The following CTNNA3 variants were observed in gnomAD, a reference collection of about 807,000 sequenced individuals.
The protein encoded by CTNNA3 is catenin alpha-3.
In CTNNA3, 76 loss-of-function variants were observed where a neutral mutation model predicts 95.7. That is an observed-to-expected ratio of 0.79 (90% CI 0.66 to 0.96). CTNNA3 has a LOEUF of 0.96. CTNNA3 is among the 40% of genes least tolerant of loss of function. CTNNA3 has a pLI of 0.00. For missense variants in CTNNA3, 1,191 were observed against 1,089.8 expected, an observed-to-expected ratio of 1.09 and a Z score of -1.31; for synonymous variants, 431 against 374.4, an observed-to-expected ratio of 1.15 and a Z score of -1.74.
chr10:66,757,977 G>C (rs544974069), intron 9 of CTNNA3, among the ~76,000 whole-genome samples: 6 of 152,118 alleles, frequency 3.9e-5, no homozygotes, highest in Non-Finnish European at 5.9e-5. Context: ...AAAGTATTTT[G>C]CATGATTTTG....
chr10:66,320,250 A>G (rs1275137985), intron 12 of CTNNA3, among the ~76,000 whole-genome samples: 2 of 151,896 alleles, frequency 1.3e-5, no homozygotes, highest in Non-Finnish European at 2.9e-5. Flanking sequence ...AATTTCCCTA[A>G]GTCTCCCTCT....
intron 15 of CTNNA3, among the ~76,000 whole-genome samples, chr10:66,015,368 T>C (rs529841900): frequency 2.2e-4 from 33 of 152,254 alleles, no homozygotes; most frequent in Non-Finnish European, 4.7e-4. Flanking sequence ...ATTGTCCACA[T>C]GACCTAGGAG....
At chr10:65,944,549 C>T (rs1172476753) in intron 17 of CTNNA3, among the ~76,000 whole-genome samples, 1 of 152,110 alleles carries the variant, frequency 6.6e-6, no homozygotes, top group Non-Finnish European at 1.5e-5. Context: ...AGGGGGAAGG[C>T]AAAGTGGAGG....
At chr10:67,171,169 T>C (rs1047615782) in intron 7 of CTNNA3, among the ~76,000 whole-genome samples, 1 of 152,216 alleles carries the variant, frequency 6.6e-6, no homozygotes, top group Admixed American at 6.5e-5. Flanking sequence ...TTTTCCAGTA[T>C]ATAGTACCAC....
rs554319327 is a variant in CTNNA3, at chr10:66,291,703, C to T, written c.1733-11082G>A. On this transcript the variant is annotated intron_variant, in intron 12 of 17. Transcript: ENST00000433211. ...TTTGATGTTCCACAAAGGGAAGATA[C>T]TTAGAAGATATGTGTGCATAAATTA... is the stretch of plus-strand genomic sequence containing the variant. Among the ~76,000 whole-genome samples the T allele has an allele frequency of 2.6e-5, 4 of 151,702 alleles. No individual in the cohort carries two copies. The East Asian group carries it at 7.7e-4, about 29-fold the overall frequency.
chr10:66,166,780 G>C (rs981559060), intron 13 of CTNNA3, among the ~76,000 whole-genome samples: 2 of 152,108 alleles, frequency 1.3e-5, no homozygotes, highest in Non-Finnish European at 2.9e-5. Context: ...TTAAATTGAA[G>C]GGGTGAATGA....
intron 11 of CTNNA3, among the ~76,000 whole-genome samples, chr10:66,491,172 T>C (rs909664968): frequency 1.3e-5 from 2 of 152,184 alleles, no homozygotes; most frequent in African/African-American, 4.8e-5. Context: ...GATATTTATG[T>C]TGCTCTCAAT....
Position 66,399,025 on chromosome 10 carries a change from C to T in CTNNA3, c.1532-19673G>A, listed in dbSNP as rs191750603. Among the ~76,000 whole-genome samples the T allele has an allele frequency of 2.9e-4, 44 of 152,096 alleles. No individual in the cohort carries two copies. The East Asian group carries it at 7.5e-3, about 26-fold the overall frequency. On this transcript the variant is annotated intron_variant, in intron 11 of 17. Coordinates refer to ENST00000433211, the MANE Select transcript of CTNNA3 (RefSeq NM_013266.4). The stretch of plus-strand genomic sequence containing the variant: ...TCCTTTTCCAATCATGTCTGTTGAA[C>T]TGAAAATAGTAATTTCACTGATATC...
chr10:66,189,661 T>C (rs112538643), intron 13 of CTNNA3, among the ~76,000 whole-genome samples: 70 of 114,344 alleles, frequency 6.1e-4, no homozygotes, highest in Non-Finnish European at 8.4e-4. Context: ...CACACACACA[T>C]ATATATATAT....
At chr10:67,085,316 C>A (rs1857243532) in intron 7 of CTNNA3, among the ~76,000 whole-genome samples, 2 of 149,538 alleles carry the variant, frequency 1.3e-5, no homozygotes, top group Non-Finnish European at 3.0e-5. Context: ...TTATAAGAAA[C>A]AAAAGAAATA....
intron 5 of CTNNA3, among the ~76,000 whole-genome samples, chr10:67,237,665 G>T (rs1366872764): frequency 2.0e-5 from 3 of 152,182 alleles, no homozygotes; most frequent in Admixed American, 1.3e-4. Flanking sequence ...AAAAGGCGAG[G>T]AAGGTGCAGG....
chr10:66,027,099 T>C (rs2073972632), intron 15 of CTNNA3, among the ~76,000 whole-genome samples: 1 of 152,124 alleles, frequency 6.6e-6, no homozygotes, highest in African/African-American at 2.4e-5. Context: ...TAAGGTATTA[T>C]AAAGAAAATA....
At chr10:67,239,098 T>C (rs1019671068) in intron 5 of CTNNA3, among the ~76,000 whole-genome samples, 13 of 152,198 alleles carry the variant, frequency 8.5e-5, no homozygotes, top group African/African-American at 3.1e-4. Context: ...AAAATTAAAC[T>C]ATAACTATCT....
chr10:66,353,768 A>G (rs2092585076), intron 12 of CTNNA3, among the ~76,000 whole-genome samples: 1 of 152,040 alleles, frequency 6.6e-6, no homozygotes, highest in Non-Finnish European at 1.5e-5. Context: ...AGATTAATCA[A>G]CCCAGGGATA....
intron 5 of CTNNA3, among the ~76,000 whole-genome samples, chr10:67,300,096 T>C (rs1242529155): frequency 6.6e-6 from 1 of 152,158 alleles, no homozygotes; most frequent in African/African-American, 2.4e-5. Context: ...GAATTAGAAA[T>C]TCTGGAGGTG....
intron 5 of CTNNA3, among the ~76,000 whole-genome samples, chr10:67,446,342 C>T (rs561002846): frequency 3.4e-4 from 52 of 152,194 alleles, no homozygotes; most frequent in African/African-American, 1.0e-3. Context: ...TCTCCTAGAC[C>T]GAACTCTCAA....
intron 12 of CTNNA3, among the ~76,000 whole-genome samples, chr10:66,344,213 C>A (rs1315671374): frequency 1.0e-5 from 1 of 96,594 alleles, no homozygotes; most frequent in Non-Finnish European, 2.1e-5. Flanking sequence ...GGGGACAGGG[C>A]GAGACTCCAT....
At chr10:66,167,260 TAAAAGGAGGC>T (rs1255266807) in intron 13 of CTNNA3, among the ~76,000 whole-genome samples, 3 of 152,098 alleles carry the variant, frequency 2.0e-5, no homozygotes, top group African/African-American at 7.2e-5. Context: ...ATTATTATTT[TAAAAGGAGGC>T]AAATAGAAAA....
chr10:66,666,153 C>T (rs1846443996), intron 9 of CTNNA3, among the ~76,000 whole-genome samples: 3 of 152,148 alleles, frequency 2.0e-5, no homozygotes, highest in African/African-American at 7.2e-5. Context: ...AAGCCAAGTT[C>T]GTTTGCCTTG....
Sources: gnomAD v4.1 joint callset for allele counts (sites outside exome capture counted in the v4.1 genomes callset) on GRCh38, gnomAD v4.1.1 for gene constraint, MANE v1.5 for transcripts, NCBI Gene and HGNC (gene_info 2026-07-23, HGNC 2026-07-21) for gene names.